Variants in SMARCAL1 observed in about 807,000 individuals in gnomAD.
The protein encoded by SMARCAL1 is SNF2 related chromatin remodeling annealing helicase 1.
In SMARCAL1, 58 loss-of-function variants were observed where a neutral mutation model predicts 94.5. That is an observed-to-expected ratio of 0.61 (90% CI 0.50 to 0.76). The LOEUF (loss-of-function observed/expected upper bound fraction) is 0.76, where lower values mean the gene tolerates loss of function less well. SMARCAL1 is among the 30% of genes least tolerant of loss of function. The pLI, the probability that SMARCAL1 is intolerant of heterozygous loss-of-function variation, is 0.00. For synonymous variants in SMARCAL1, 422 were observed against 455.1 expected (o/e 0.93, Z 0.93); for missense variants, 1,051 against 1,177.9 (o/e 0.89, Z 1.58).
intron 10 of SMARCAL1, among the ~76,000 whole-genome samples, chr2:216,442,371 C>G (rs1415291476): frequency 6.7e-6 from 1 of 149,260 alleles, no homozygotes; most frequent in Non-Finnish European, 1.5e-5. Flanking sequence ...GAGCGGAGAT[C>G]GCACCACTGC....
intron 10 of SMARCAL1, among the ~76,000 whole-genome samples, chr2:216,439,325 G>T (rs560160924): frequency 1.9e-3 from 22 of 11,798 alleles, no homozygotes; most frequent in East Asian, 9.2e-3. Flanking sequence ...CTTCCATTAT[G>T]GGGGGGGGGG....
At chr2:216,416,093 A>G (rs551999779) in intron 3 of SMARCAL1, 164 bp from the exon 4 acceptor site, 45 of 664,522 alleles carry the variant, frequency 6.8e-5, no homozygotes, top group African/African-American at 4.9e-4. Context: ...AGAATTATCT[A>G]TATTTACTAT....
At chr2:216,439,456 T>C (rs1296709780) in intron 10 of SMARCAL1, among the ~76,000 whole-genome samples, 1 of 152,206 alleles carries the variant, frequency 6.6e-6, no homozygotes, top group Non-Finnish European at 1.5e-5. Context: ...CTTTGGTTTG[T>C]GTAGACTGAG....
At position 216,446,998 on chromosome 2, in the gene SMARCAL1, T is replaced by C. The variant is rs1306973493; in HGVS notation, c.1711-20T>C. 1.2e-6 allele frequency: 2 copies of C among 1,613,958 alleles called. No individual in the cohort carries two copies. The highest frequency in any genetic ancestry group is 1.3e-5 in the African/African-American group (1 of 74,996). On this transcript the variant is annotated intron_variant, in intron 10 of 17. Transcript: ENST00000357276. The stretch of plus-strand genomic sequence containing the variant: ...TGCTCCTCCCTGTGTTCAGAGCACC[T>C]TTGGCTGTTTGTCTTTTAGGTTGCC...
intron 13 of SMARCAL1, 67 bp from the exon 14 acceptor site, chr2:216,467,877 A>G: frequency 4.1e-6 from 4 of 975,924 alleles, no homozygotes; most frequent in Non-Finnish European, 6.6e-6. Flanking sequence ...TTTCAGTAAC[A>G]TACCAGAGAC....
chr2:216,467,856 T>A (rs1028948747), intron 13 of SMARCAL1, 88 bp from the exon 14 acceptor site: 1 of 835,350 alleles, frequency 1.2e-6, no homozygotes, highest in Non-Finnish European at 2.1e-6. Flanking sequence ...TGATCCCAGA[T>A]AATAAGAATG....
intron 13 of SMARCAL1, among the ~76,000 whole-genome samples, 162 bp downstream of exon 13, chr2:216,464,829 T>C (rs147764782): frequency 6.6e-6 from 1 of 152,190 alleles, no homozygotes; most frequent in East Asian, 1.9e-4. Flanking sequence ...AAACAGATGA[T>C]CAGAGAGTAG....
Position 216,460,658 on chromosome 2 carries a change from G to A in SMARCAL1, c.2071-3939G>A, listed in dbSNP as rs545206879. Reference sequence around the variant, plus strand: ...CAATGAGAACACTTGGACACAGGAAGGGGAACATCACACACCAGGGCCTGT... The same window carrying A: ...CAATGAGAACACTTGGACACAGGAAAGGGAACATCACACACCAGGGCCTGT... On this transcript the variant is annotated intron_variant, in intron 12 of 17. Coordinates refer to ENST00000357276, the MANE Select transcript of SMARCAL1 (RefSeq NM_014140.4). Among the ~76,000 whole-genome samples, 4 of 138,220 alleles carry A rather than the reference G, an allele frequency of 2.9e-5. No homozygotes were observed. In the East Asian group the frequency reaches 8.7e-4, roughly 30 times the overall value. 90.7% of individuals were successfully genotyped at this position (138,220 alleles called of 152,430 possible).
rs1002105105 is a variant in SMARCAL1, at chr2:216,415,285, C to T, written c.581C>T (p.Thr194Ile). The stretch of plus-strand genomic sequence containing the variant: ...AGGGATGCTAAGTTAGAGGCCAAGA[C>T]AGCAAAAGCCTCCCCTTCGGGGCAG... ...PPRDAKLEAK[T>I]AKASPSGQNI... The change falls in exon 3 of 18, where the codon ACA (threonine) becomes ATA (isoleucine). Residue 194 changes from threonine (T) to isoleucine (I), a missense_variant. Physicochemically the swap from Thr to Ile is moderately conservative, Grantham distance 89. This residue lies in a region of SMARCAL1 where 398 missense variants were observed against 395.2 expected (regional missense o/e 1.01). Transcript: ENST00000357276. 6.2e-7 allele frequency: 1 copy of T among 1,614,256 alleles called. No homozygotes were observed. Among genetic ancestry groups the T allele is most frequent in the South Asian group, 1.1e-5 (1 of 91,086 alleles).
chr2:216,473,060 A>T (rs284526), intron 14 of SMARCAL1, among the ~76,000 whole-genome samples: 2 of 151,940 alleles, frequency 1.3e-5, no homozygotes, highest in South Asian at 2.1e-4. Flanking sequence ...AACTGCACAT[A>T]ATGTGTACAA....
At chr2:216,447,553 G>A (rs1694346169) in intron 11 of SMARCAL1, among the ~76,000 whole-genome samples, 1 of 152,008 alleles carries the variant, frequency 6.6e-6, no homozygotes, top group South Asian at 2.1e-4. Context: ...CTGGCACTGA[G>A]GTGAGCTAGG....
At chr2:216,425,951 C>T (rs528668846) in intron 6 of SMARCAL1, among the ~76,000 whole-genome samples, 33 of 152,190 alleles carry the variant, frequency 2.2e-4, no homozygotes, top group Non-Finnish European at 4.4e-4. Context: ...GTGGACCCAC[C>T]CCTGTCTGCC....
chr2:216,443,430 G>T (rs1694241467), intron 10 of SMARCAL1, among the ~76,000 whole-genome samples: 1 of 146,580 alleles, frequency 6.8e-6, no homozygotes, highest in Admixed American at 6.8e-5. Flanking sequence ...TATACCATTT[G>T]ATATATTCTC....
rs1340132548 is a variant in SMARCAL1, at chr2:216,414,878, A to C, written c.174A>C (p.Pro58=). 6.2e-7 allele frequency: 1 copy of C among 1,614,214 alleles called. No individual in the cohort carries two copies. The change falls in exon 3 of 18, where the codon CCA becomes CCC. Residue 58 remains proline (P), a synonymous_variant. Transcript: ENST00000357276. ...AGCAAGGCCCATCCCAAAATTTCCC[A>C]AGGGAGTCTTGTAAGCCAGTGAGCC... ...QAKQGPSQNF[P]RESCKPVSHG... is the part of the protein sequence containing the mutation.
chr2:216,438,271 C>CTAGG lies in SMARCAL1; in HGVS notation c.1645-148_1645-145dup, dbSNP rs1017609151. 6.5e-5 allele frequency: 47 copies of CTAGG among 726,394 alleles called. No homozygotes were observed. In the African/African-American group the frequency reaches 7.4e-4, roughly 12 times the overall value. 45.0% of individuals were successfully genotyped at this position (726,394 alleles called of 1,614,324 possible). A position where few individuals can be genotyped will look rare whatever the true frequency, so the allele number is the denominator to read the frequency against. On this transcript the variant is annotated intron_variant, in intron 9 of 17. Coordinates refer to ENST00000357276, the MANE Select transcript of SMARCAL1 (RefSeq NM_014140.4). ...TGCCACCAGACCCCTGGGTCCTGAC[C>CTAGG]TAGGCCCAGTGAGCCATCTCCTTGA...
chr2:216,435,571 A>G, intron 9 of SMARCAL1, 75 bp downstream of exon 9: 1 of 1,285,592 alleles, frequency 7.8e-7, no homozygotes, highest in South Asian at 1.2e-5. Context: ...GAGAACTTTC[A>G]TGTCTGTAAT....
At position 216,414,720 on chromosome 2, in the gene SMARCAL1, A is replaced by T. The variant is rs759708352; in HGVS notation, c.16A>T (p.Thr6Ser). Reference sequence around the variant, plus strand: ...CTCTGTGAAAATGTCCTTGCCTCTTACAGAGGAGCAGAGGAAAAAGATTGA... The same window carrying T: ...CTCTGTGAAAATGTCCTTGCCTCTTTCAGAGGAGCAGAGGAAAAAGATTGA... MSLPLTEEQRKKIEEN... is the reference protein window; with the variant it reads MSLPLSEEQRKKIEEN... Residue 6 changes from threonine to serine, a missense_variant, in exon 3 of 18, where the codon ACA (threonine) becomes TCA (serine). Transcript: ENST00000357276. 1.7e-5 allele frequency: 27 copies of T among 1,613,906 alleles called. No homozygotes were observed. The South Asian group carries it at 2.9e-4, about 17-fold the overall frequency.
intron 4 of SMARCAL1, among the ~76,000 whole-genome samples, chr2:216,417,341 T>C (rs115034766): frequency 0.011 from 1,704 of 150,426 alleles, 29 homozygotes; most frequent in African/African-American, 0.039. Context: ...ACTGACTGGG[T>C]GGCTTAAACA....
intron 6 of SMARCAL1, among the ~76,000 whole-genome samples, chr2:216,424,690 C>T (rs11886888): frequency 0.2 from 31,045 of 151,742 alleles, 3,398 homozygotes; most frequent in East Asian, 0.32. Flanking sequence ...GTAAAAAAAG[C>T]GGTGGTCTTT....
Sources: gnomAD v4.1 joint callset for allele counts (sites outside exome capture counted in the v4.1 genomes callset) on GRCh38, gnomAD v4.1.1 for gene constraint, gnomAD v4.1.1 regional missense constraint, MANE v1.5 for transcripts, NCBI Gene and HGNC (gene_info 2026-07-23, HGNC 2026-07-21) for gene names.